The following PDE10A variants were observed in gnomAD, a reference collection of about 807,000 sequenced individuals.
The protein encoded by PDE10A is cAMP and cAMP-inhibited cGMP 3',5'-cyclic phosphodiesterase 10A.
PDE10A carries 39 observed loss-of-function variants against 97.7 expected under a neutral mutation model. The observed-to-expected ratio is 0.40, with a 90% CI of 0.31 to 0.52. The LOEUF (loss-of-function observed/expected upper bound fraction) is 0.52. Among genes scored for constraint, PDE10A ranks in the 20% least tolerant of loss-of-function variants. The pLI, the probability that PDE10A is intolerant of heterozygous loss-of-function variation, is 0.56. For synonymous variants in PDE10A, 371 were observed against 376.8 expected, an observed-to-expected ratio of 0.98 and a Z score of 0.18; for missense variants, 731 against 1,047.8, an observed-to-expected ratio of 0.70 and a Z score of 4.17.
rs1789908158 is a variant in PDE10A at position 165,655,622 on chromosome 6, C to CA, written c.865+6324dup. ...ACCATTGCTCTTGTCTTGACTATGACAGTAGCATCCATGGACTCCCTGTAT... is the reference window on the plus strand; with the variant it reads ...ACCATTGCTCTTGTCTTGACTATGACAAGTAGCATCCATGGACTCCCTGTAT... On this transcript the variant is annotated intron_variant, in intron 1 of 21. Transcript: ENST00000539869. This position sits in a 1 kb window ranked among gnomAD's most constrained non-coding sequence, Gnocchi z 4.5. Among the ~76,000 whole-genome samples, 4 of 152,178 alleles carry CA rather than the reference C, an allele frequency of 2.6e-5. No homozygotes were observed. The highest frequency in any genetic ancestry group is 7.2e-5 in the African/African-American group (3 of 41,450).
Position 165,440,700 on chromosome 6 carries a change from T to C in PDE10A, c.1195-5323A>G, listed in dbSNP as rs1790380135. ...TTAACACTCTATGAATCTAGGACTC[T>C]AGAGTCATCTAGTTGCTCATGTTTA... On this transcript the variant is annotated intron_variant, in intron 5 of 21. Coordinates refer to ENST00000539869, the MANE Select transcript of PDE10A (RefSeq NM_001385079.1). 2.0e-5 allele frequency among the ~76,000 whole-genome samples: 3 copies of C among 152,284 alleles called. No homozygotes were observed. In the South Asian group the frequency reaches 6.2e-4, roughly 32 times the overall value.
intron 1 of PDE10A, among the ~76,000 whole-genome samples, chr6:165,788,538 AAG>A (rs1491032704): frequency 2.8e-5 from 4 of 142,896 alleles, no homozygotes; most frequent in African/African-American, 8.0e-5. Flanking sequence ...AAAAAAAAAA[AAG>A]AAAAGAAAAG....
intron 18 of PDE10A, among the ~76,000 whole-genome samples, chr6:165,352,082 GA>G (rs537723993): frequency 2.7e-3 from 404 of 152,276 alleles, no homozygotes; most frequent in Non-Finnish European, 4.2e-3. Context: ...TCGAACTCCT[GA>G]CCTCAAGTCA....
intron 1 of PDE10A, among the ~76,000 whole-genome samples, chr6:165,637,834 G>GAAC (rs1012268152): frequency 3.4e-4 from 52 of 152,160 alleles, no homozygotes; most frequent in African/African-American, 1.2e-3. Context: ...AATAAGGGCA[G>GAAC]AACGCCAAAG....
chr6:165,825,095 C>A (rs1244945827), intron 1 of PDE10A, among the ~76,000 whole-genome samples: 4 of 145,698 alleles, frequency 2.7e-5, no homozygotes, highest in Non-Finnish European at 6.0e-5. Context: ...TTGCAGTGAG[C>A]TGAGATCGCA....
At position 165,565,869 on chromosome 6, in the gene PDE10A, G is replaced by A. The variant is rs116574760; in HGVS notation, c.866-22301C>T. Among the ~76,000 whole-genome samples, 1,338 of 152,114 alleles carry A rather than the reference G, an allele frequency of 8.8e-3. 17 individuals are homozygous for A. Among genetic ancestry groups the A allele is most frequent in the African/African-American group, 0.03 (1,258 of 41,508 alleles). On this transcript the variant is annotated intron_variant, in intron 1 of 21. Transcript: ENST00000539869. ...TCAACAAATAGTGTCAGGAACAGCC[G>A]GACAGCCTCATGATAGAAAATGAAT... is the stretch of plus-strand genomic sequence containing the variant.
At chr6:165,562,698 C>G (rs1583546201) in intron 1 of PDE10A, among the ~76,000 whole-genome samples, 1 of 152,184 alleles carries the variant, frequency 6.6e-6, no homozygotes, top group African/African-American at 2.4e-5. Context: ...GGAGATGGTT[C>G]TCTTATCAAC....
intron 2 of PDE10A, among the ~76,000 whole-genome samples, chr6:165,542,548 A>G (rs1022494837): frequency 1.3e-5 from 2 of 151,974 alleles, no homozygotes; most frequent in African/African-American, 4.8e-5. Context: ...TCAAAAGTTA[A>G]AACAGTGGTT....
At chr6:165,389,730 T>C (rs1200429643) in intron 16 of PDE10A, among the ~76,000 whole-genome samples, 1 of 152,196 alleles carries the variant, frequency 6.6e-6, no homozygotes, top group African/African-American at 2.4e-5. Flanking sequence ...AAACTGTCAG[T>C]GCCCATGTGG....
At chr6:165,486,400 G>A (rs1779921098) in intron 2 of PDE10A, among the ~76,000 whole-genome samples, 1 of 152,146 alleles carries the variant, frequency 6.6e-6, no homozygotes. Flanking sequence ...CAAACAGGTC[G>A]CTTCTGTATA....
At chr6:165,451,000 C>A (rs1791248875) in intron 3 of PDE10A, among the ~76,000 whole-genome samples, 1 of 152,162 alleles carries the variant, frequency 6.6e-6, no homozygotes, top group Non-Finnish European at 1.5e-5. Flanking sequence ...TAATATCATA[C>A]AAGAGCTTGC....
intron 9 of PDE10A, among the ~76,000 whole-genome samples, chr6:165,429,797 A>T (rs1789425237): frequency 6.6e-6 from 1 of 152,058 alleles, no homozygotes; most frequent in South Asian, 2.1e-4. Context: ...CTGCCAGCCA[A>T]AGGGATTTTT....
intron 1 of PDE10A, among the ~76,000 whole-genome samples, chr6:165,936,714 T>C (rs1244228533): frequency 6.6e-6 from 1 of 152,202 alleles, no homozygotes; most frequent in African/African-American, 2.4e-5. Context: ...AATTTTAATG[T>C]AGGAGCAAGA....
At chr6:165,958,890 A>G (rs1784276565) in intron 1 of PDE10A, among the ~76,000 whole-genome samples, 1 of 152,104 alleles carries the variant, frequency 6.6e-6, no homozygotes, top group African/African-American at 2.4e-5. Context: ...CAAAAGACAC[A>G]TGGAAAGCAA....
At chr6:165,928,400 A>AC (rs1267092425) in intron 1 of PDE10A, among the ~76,000 whole-genome samples, 1 of 152,144 alleles carries the variant, frequency 6.6e-6, no homozygotes, top group Non-Finnish European at 1.5e-5. Context: ...TTTCTGCACA[A>AC]CCTGCTGGAC....
In PDE10A at chr6:165,332,965, A is replaced by T; in HGVS notation, c.*60T>A. The T allele has an allele frequency of 9.8e-6, 6 of 614,336 alleles. No individual in the cohort carries two copies. Among genetic ancestry groups the T allele is most frequent in the Non-Finnish European group, 1.8e-5 (6 of 334,320 alleles). 38.1% of individuals were successfully genotyped at this position (614,336 alleles called of 1,614,324 possible). On this transcript the variant is annotated 3_prime_UTR_variant, in exon 22 of 22. Transcript: ENST00000539869. ...CCACCCCCCCCAAAAAAAGGAAAAG[A>T]ATGTCAAAGAAGCAAGATGAGGATC...
At chr6:165,685,818 G>A (rs919082242) in intron 1 of PDE10A, among the ~76,000 whole-genome samples, 2 of 152,194 alleles carry the variant, frequency 1.3e-5, no homozygotes, top group Non-Finnish European at 2.9e-5. Flanking sequence ...GCAAAGCACC[G>A]AAGGTCACAA....
At chr6:165,370,789 C>T (rs12182987) in intron 18 of PDE10A, among the ~76,000 whole-genome samples, 11,515 of 149,912 alleles carry the variant, frequency 0.077, 514 homozygotes, top group Middle Eastern at 0.19. Flanking sequence ...TTTTTCAGCA[C>T]GACACCACAC....
At chr6:165,619,329 GTAGTGTAGTGTAGTC>G (rs1235889931) in intron 1 of PDE10A, among the ~76,000 whole-genome samples, 17 of 112,276 alleles carry the variant, frequency 1.5e-4, no homozygotes, top group South Asian at 4.8e-4. Context: ...GTGGTGTAGT[GTAGTGTAGTGTAGTC>G]TAGTGTAGTG....
Sources: allele counts gnomAD v4.1 joint callset (sites outside exome capture counted in the v4.1 genomes callset), GRCh38; gene constraint gnomAD v4.1.1; non-coding constraint Gnocchi (gnomAD v3.1); transcripts MANE v1.5; gene names NCBI Gene and HGNC (gene_info 2026-07-23, HGNC 2026-07-21).